Variants in RIN2 observed in about 807,000 individuals in gnomAD.
RIN2 encodes the protein Ras and Rab interactor 2.
RIN2 carries 36 observed loss-of-function variants against 78.0 expected under a neutral mutation model. The observed-to-expected ratio is 0.46, with a 90% confidence interval of 0.35 to 0.61. RIN2 has a LOEUF of 0.61. Ranked by LOEUF, RIN2 falls within the 20% of genes least tolerant of loss-of-function variation. RIN2 has a pLI of 0.00. For synonymous variants in RIN2, 466 were observed against 466.8 expected, an observed-to-expected ratio of 1.00 and a Z score of 0.02; for missense variants, 1,087 against 1,159.7, an observed-to-expected ratio of 0.94 and a Z score of 0.91.
chr20:19,933,452 C>T lies in RIN2; in HGVS notation c.58-1647C>T, dbSNP rs904717481. Among the ~76,000 whole-genome samples, 3 of 152,130 alleles carry T rather than the reference C, an allele frequency of 2.0e-5. No individual in the cohort carries two copies. In the East Asian group the frequency reaches 5.8e-4, roughly 29 times the overall value. On this transcript the variant is annotated intron_variant, in intron 3 of 12. Coordinates refer to ENST00000255006, the MANE Select transcript of RIN2 (RefSeq NM_018993.4). ...CCAACCCGCCCTGATCTGTTTGGCC[C>T]CTTTGTTGCTCCCACAGCATTACCT...
At chr20:19,846,936 T>C (rs2036804939) in intron 2 of RIN2, among the ~76,000 whole-genome samples, 1 of 152,244 alleles carries the variant, frequency 6.6e-6, no homozygotes, top group African/African-American at 2.4e-5. Context: ...TACCTGAGAA[T>C]ACAGGACCTG....
intron 2 of RIN2, among the ~76,000 whole-genome samples, chr20:19,847,847 C>T (rs1803643325): frequency 6.6e-6 from 1 of 152,120 alleles, no homozygotes; most frequent in Non-Finnish European, 1.5e-5. Context: ...CAGTTCTGCT[C>T]TAGAACAGGG....
rs868564799 is a variant in RIN2, at chr20:19,912,498, G to A, written c.58-22601G>A. On this transcript the variant is annotated intron_variant, in intron 3 of 12. Transcript: ENST00000255006. ...TTCTTTTTTTTTTTTTTTTTTTTGA[G>A]ATGAAGTCTCACTCCCATCGCCCAG... Among the ~76,000 whole-genome samples, 15 of 90,006 alleles carry A rather than the reference G, an allele frequency of 1.7e-4. No homozygotes were observed. The South Asian group carries it at 5.1e-3, about 31-fold the overall frequency. The allele number at this position is 90,006 out of a possible 152,430, so 59.0% of individuals were successfully genotyped here.
chr20:19,841,114 G>A (rs1165730046), intron 2 of RIN2, among the ~76,000 whole-genome samples: 1 of 152,096 alleles, frequency 6.6e-6, no homozygotes, highest in Non-Finnish European at 1.5e-5. Flanking sequence ...ATGTTGCCAA[G>A]AGTGAGAGTG....
At chr20:19,802,858 AC>A (rs1368001059) in intron 2 of RIN2, among the ~76,000 whole-genome samples, 1 of 152,026 alleles carries the variant, frequency 6.6e-6, no homozygotes, top group Non-Finnish European at 1.5e-5. Flanking sequence ...CCCCTGCTGG[AC>A]CCTGTTGGAA....
At chr20:19,908,159 A>C (rs147650953) in intron 3 of RIN2, among the ~76,000 whole-genome samples, 372 of 152,252 alleles carry the variant, frequency 2.4e-3, no homozygotes, top group African/African-American at 8.5e-3. Context: ...AGACTCATCC[A>C]AGAGGCATTA....
intron 2 of RIN2, among the ~76,000 whole-genome samples, chr20:19,819,697 G>C (rs1292416774): frequency 1.3e-5 from 2 of 152,090 alleles, no homozygotes; most frequent in African/African-American, 4.8e-5. Flanking sequence ...ACCATGCCTA[G>C]CTAATTCTTT....
At chr20:19,934,652 A>C in intron 3 of RIN2, 1 of 936,232 alleles carries the variant, frequency 1.1e-6, no homozygotes, top group Non-Finnish European at 1.3e-6. Context: ...AAATAAACTC[A>C]TTTCTATAAC....
chr20:19,971,419 C>T (rs1010235301), intron 8 of RIN2, among the ~76,000 whole-genome samples: 6 of 152,100 alleles, frequency 3.9e-5, no homozygotes, highest in African/African-American at 9.7e-5. Flanking sequence ...ACAATTCTGC[C>T]GGACAATGGT....
chr20:19,982,161 A>C (rs988428577), intron 9 of RIN2, among the ~76,000 whole-genome samples: 6 of 152,194 alleles, frequency 3.9e-5, no homozygotes, highest in Admixed American at 6.5e-5. Context: ...CAAAGAAAGC[A>C]GCGTGCTTAC....
rs372148044 is a variant in RIN2, at chr20:19,956,646, G to C, written c.190G>C (p.Glu64Gln). 1.2e-6 allele frequency: 2 copies of C among 1,613,432 alleles called. No individual in the cohort carries two copies. The highest frequency in any genetic ancestry group is 4.5e-5 in the East Asian group (2 of 44,852). Residue 64 changes from glutamate (E) to glutamine (Q), a missense_variant, in exon 5 of 13, where the codon GAG (glutamate) becomes CAG (glutamine). Physicochemically the swap from Glu to Gln is conservative, Grantham distance 29. Coordinates refer to ENST00000255006, the MANE Select transcript of RIN2 (RefSeq NM_018993.4). ...MVRHKDGGYS[E>Q]EEDVKTCARD... ...AAGACACAAGGATGGTGGCTATTCC[G>C]AGGAAGAGGACGTGAAGACCTGTGC...
At chr20:19,858,842 G>T (rs558661656) in intron 2 of RIN2, among the ~76,000 whole-genome samples, 1 of 152,298 alleles carries the variant, frequency 6.6e-6, no homozygotes, top group Admixed American at 6.5e-5. Context: ...AGAGACCCTG[G>T]CAGGGCCTGA....
intron 2 of RIN2, among the ~76,000 whole-genome samples, chr20:19,820,769 G>C (rs372176452): frequency 6.6e-6 from 1 of 152,140 alleles, no homozygotes; most frequent in East Asian, 1.9e-4. Flanking sequence ...TTTCTGATGC[G>C]ATAGGTCTGG....
At chr20:19,971,744 T>TTTTTTC (rs2042115400) in intron 8 of RIN2, among the ~76,000 whole-genome samples, 1 of 140,218 alleles carries the variant, frequency 7.1e-6, no homozygotes, top group African/African-American at 2.8e-5. Context: ...AATTTTTTTT[T>TTTTTTC]TTTTTTTTTT....
At chr20:19,922,736 G>A (rs969638651) in intron 3 of RIN2, among the ~76,000 whole-genome samples, 4 of 152,152 alleles carry the variant, frequency 2.6e-5, no homozygotes, top group African/African-American at 9.7e-5. Flanking sequence ...CCATAAGGTG[G>A]GGAGCTTCCC....
chr20:19,979,629 G>C (rs1000533325), intron 9 of RIN2, among the ~76,000 whole-genome samples: 3 of 151,772 alleles, frequency 2.0e-5, no homozygotes, highest in African/African-American at 7.3e-5. Flanking sequence ...TTTTGTTTTT[G>C]TTTTCAAATG....
intron 2 of RIN2, among the ~76,000 whole-genome samples, chr20:19,840,059 C>A (rs6112602): frequency 0.078 from 11,874 of 152,212 alleles, 491 homozygotes; most frequent in South Asian, 0.16. Flanking sequence ...GCAAGATTAT[C>A]AATGTTTTTG....
chr20:19,765,505 G>A (rs1225167406), intron 1 of RIN2, among the ~76,000 whole-genome samples: 4 of 152,136 alleles, frequency 2.6e-5, no homozygotes, highest in Admixed American at 6.5e-5. Flanking sequence ...GTGTGTAGGC[G>A]CTCCTTTAGG....
chr20:19,795,985 T>G (rs757449077), intron 1 of RIN2, among the ~76,000 whole-genome samples: 9 of 151,660 alleles, frequency 5.9e-5, no homozygotes, highest in Admixed American at 5.9e-4. Context: ...TGAGCCGAGG[T>G]TGCACCATTG....
Sources: allele counts gnomAD v4.1 joint callset (sites outside exome capture counted in the v4.1 genomes callset), GRCh38; gene constraint gnomAD v4.1.1; transcripts MANE v1.5; gene names NCBI Gene and HGNC (gene_info 2026-07-23, HGNC 2026-07-21).